Variants in METTL4 observed in about 807,000 individuals in gnomAD.
METTL4 encodes N(6)-adenine-specific methyltransferase METTL4.
A neutral mutation model predicts 54.0 loss-of-function variants in METTL4; 40 were observed. The observed-to-expected ratio is 0.74, with a 90% CI of 0.58 to 0.96. METTL4 has a LOEUF of 0.96. Among genes scored for constraint, METTL4 ranks in the 50% least tolerant of loss-of-function variants. The pLI, the probability that METTL4 is intolerant of heterozygous loss-of-function variation, is 0.00. For missense variants in METTL4, 525 were observed against 549.0 expected, an observed-to-expected ratio of 0.96 and a Z score of 0.44; for synonymous variants, 169 against 183.8, an observed-to-expected ratio of 0.92 and a Z score of 0.65.
chr18:2,566,657 G>A (rs984526544), intron 2 of METTL4, 164 bp downstream of exon 2: 1 of 460,310 alleles, frequency 2.2e-6, no homozygotes, highest in African/African-American at 2.0e-5. Context: ...AAGAATAGTT[G>A]AAGCTAGAAA....
At chr18:2,566,331 A>G (rs911141958) in intron 2 of METTL4, among the ~76,000 whole-genome samples, 11 of 152,146 alleles carry the variant, frequency 7.2e-5, no homozygotes, top group Non-Finnish European at 1.5e-4. Context: ...TTGTATCACT[A>G]GAAACTTTTA....
chr18:2,551,791 A>G (rs2072164795), intron 5 of METTL4, among the ~76,000 whole-genome samples: 1 of 152,246 alleles, frequency 6.6e-6, no homozygotes, highest in Non-Finnish European at 1.5e-5. Flanking sequence ...GGTGAGGATC[A>G]CTGAGGAGAA....
chr18:2,543,785 A>G (rs990036995), intron 8 of METTL4, among the ~76,000 whole-genome samples: 3 of 152,242 alleles, frequency 2.0e-5, no homozygotes, highest in African/African-American at 7.2e-5. Flanking sequence ...ACTGAGAGCC[A>G]CTAACCAAAT....
At position 2,552,700 on chromosome 18, in the gene METTL4, A is replaced by G. The variant is rs1441721372; in HGVS notation, c.894T>C (p.Ser298=). ...ATGCTTTCATTTCCACTTACCTATTACTTCTTTTAACTGATTTGTTCTGCC... is the reference window on the plus strand; with the variant it reads ...ATGCTTTCATTTCCACTTACCTATTGCTTCTTTTAACTGATTTGTTCTGCC... The part of the protein sequence containing the change: ...PPWQNKSVKR[S]NRYSYLSPLQ... Residue 298 remains serine (S), a synonymous_variant, in exon 5 of 9, where the codon AGT becomes AGC. Transcript: ENST00000574538. 1.2e-6 allele frequency: 2 copies of G among 1,607,474 alleles called. No homozygotes were observed. The highest frequency in any genetic ancestry group is 1.7e-6 in the Non-Finnish European group (2 of 1,175,878).
At chr18:2,566,053 AT>A (rs66895183) in intron 2 of METTL4, among the ~76,000 whole-genome samples, 6,646 of 49,832 alleles carry the variant, frequency 0.13, 359 homozygotes, top group Non-Finnish European at 0.17. Context: ...TCTCAAATAA[AT>A]AAATAAATAA....
At chr18:2,560,735 T>G (rs1398860461) in intron 3 of METTL4, among the ~76,000 whole-genome samples, 1 of 151,962 alleles carries the variant, frequency 6.6e-6, no homozygotes, top group African/African-American at 2.4e-5. Flanking sequence ...AAAAATTAGC[T>G]GGGCGTAGTG....
intron 8 of METTL4, among the ~76,000 whole-genome samples, chr18:2,539,365 T>C (rs1295797656): frequency 6.6e-6 from 1 of 152,150 alleles, no homozygotes; most frequent in Admixed American, 6.5e-5. Flanking sequence ...ACTTCCATAG[T>C]CCTGGTTTAC....
chr18:2,544,814 T>G, intron 6 of METTL4, 55 bp from the exon 7 acceptor site: 1 of 1,084,732 alleles, frequency 9.2e-7, no homozygotes, highest in Non-Finnish European at 1.4e-6. Flanking sequence ...CTATAGAGCT[T>G]CCACACACAC....
rs2072436330 is a variant in METTL4 at position 2,567,293 on chromosome 18, T to A, written c.-77A>T. 2.6e-5 allele frequency: 35 copies of A among 1,349,312 alleles called. No homozygotes were observed. The South Asian group carries it at 4.9e-4, about 19-fold the overall frequency. 83.6% of individuals were successfully genotyped at this position (1,349,312 alleles called of 1,614,324 possible). ...ACTTTCCAGATCAGCTTCTTAAATA[T>A]CTTGTATTTCAATAAACATACACTT... is the stretch of plus-strand genomic sequence containing the variant. On this transcript the variant is annotated 5_prime_UTR_variant, in exon 2 of 9. Transcript: ENST00000574538.
chr18:2,566,037 ACT>A (rs1259397329), intron 2 of METTL4, among the ~76,000 whole-genome samples: 1 of 93,264 alleles, frequency 1.1e-5, no homozygotes, highest in Admixed American at 1.4e-4. Flanking sequence ...ACAGAGCAAG[ACT>A]CTGTCTCAAA....
chr18:2,570,484 T>C (rs965330339), intron 1 of METTL4, among the ~76,000 whole-genome samples: 2 of 152,244 alleles, frequency 1.3e-5, no homozygotes, highest in African/African-American at 2.4e-5. Context: ...GCAAATGATG[T>C]TTCCATTAAT....
intron 6 of METTL4, among the ~76,000 whole-genome samples, chr18:2,545,383 C>T (rs915322577): frequency 1.3e-5 from 2 of 151,958 alleles, no homozygotes; most frequent in Non-Finnish European, 1.5e-5. Context: ...CATAATAACA[C>T]GTTTCCCTTT....
chr18:2,568,026 G>A (rs909868927), intron 1 of METTL4, among the ~76,000 whole-genome samples: 1 of 152,174 alleles, frequency 6.6e-6, no homozygotes, highest in African/African-American at 2.4e-5. Context: ...TTCAAAAGAT[G>A]GATTAGAGTT....
At chr18:2,549,314 A>G (rs762927291) in intron 5 of METTL4, among the ~76,000 whole-genome samples, 55 of 152,246 alleles carry the variant, frequency 3.6e-4, no homozygotes, top group Middle Eastern at 3.4e-3. Context: ...GTAGTTCTTT[A>G]CCATCAACCT....
chr18:2,541,621 G>C lies in METTL4; in HGVS notation c.1274-2476C>G, dbSNP rs567821077. Among the ~76,000 whole-genome samples, 8 of 152,082 alleles carry C rather than the reference G, an allele frequency of 5.3e-5. No homozygotes were observed. The East Asian group carries it at 1.5e-3, about 29-fold the overall frequency. On this transcript the variant is annotated intron_variant, in intron 8 of 8. Transcript: ENST00000574538. The stretch of plus-strand genomic sequence containing the variant: ...TTATAATGTTAGGTTGTAAACCATA[G>C]CTATTGATAGCTTATCTTTCAATCG...
At chr18:2,569,920 T>C (rs1051199078) in intron 1 of METTL4, among the ~76,000 whole-genome samples, 3 of 152,200 alleles carry the variant, frequency 2.0e-5, no homozygotes, top group African/African-American at 7.2e-5. Context: ...TAGTGGGTCC[T>C]CAGCCCTGCC....
At chr18:2,562,397 T>A (rs2072335273) in intron 3 of METTL4, among the ~76,000 whole-genome samples, 1 of 151,202 alleles carries the variant, frequency 6.6e-6, no homozygotes, top group Non-Finnish European at 1.5e-5. Context: ...AAGTTAAACA[T>A]AAAAGCTAAT....
At chr18:2,539,179 T>G (rs779279442) in intron 8 of METTL4, 34 bp from the exon 9 acceptor site, 4 of 1,553,540 alleles carry the variant, frequency 2.6e-6, no homozygotes, top group Non-Finnish European at 8.8e-7. Flanking sequence ...CAAAAATTAT[T>G]ATTGAGGAAG....
At chr18:2,541,763 G>T (rs978410306) in intron 8 of METTL4, among the ~76,000 whole-genome samples, 2 of 151,452 alleles carry the variant, frequency 1.3e-5, no homozygotes, top group Admixed American at 6.6e-5. Context: ...AAAAATCAGG[G>T]TGTTTCTAAA....
Sources: allele counts gnomAD v4.1 joint callset (sites outside exome capture counted in the v4.1 genomes callset), GRCh38; gene constraint gnomAD v4.1.1; transcripts MANE v1.5; gene names NCBI Gene and HGNC (gene_info 2026-07-23, HGNC 2026-07-21).